Variants in MACROD2 observed in about 807,000 individuals in gnomAD.
MACROD2 encodes mono-ADP ribosylhydrolase 2, also known as ADP-ribose glycohydrolase MACROD2.
In MACROD2, 36 loss-of-function variants were observed where a neutral mutation model predicts 70.4. That is an observed-to-expected ratio of 0.51 (90% CI 0.39 to 0.68). MACROD2 has a LOEUF of 0.68. MACROD2 is among the 30% of genes least tolerant of loss of function. The pLI is 0.00. For missense variants in MACROD2, 496 were observed against 538.4 expected (o/e 0.92, Z 0.78); for synonymous variants, 172 against 178.8 (o/e 0.96, Z 0.30).
In MACROD2 at chr20:15,420,805, G is replaced by A. The variant is rs183422485; in HGVS notation, c.541-10600G>A. The stretch of plus-strand genomic sequence containing the variant: ...AAACATCTAGAGTGTTGGTTGTAAC[G>A]CTGGATATGGGAGTTCTTGCCTGGA... On this transcript the variant is annotated intron_variant, in intron 6 of 17. Coordinates refer to ENST00000684519, the MANE Select transcript of MACROD2 (RefSeq NM_001351661.2). Among the ~76,000 whole-genome samples the A allele has an allele frequency of 2.2e-3, 337 of 152,198 alleles. 1 individual carries two copies. Among genetic ancestry groups the A allele is most frequent in the African/African-American group, 7.7e-3 (321 of 41,520 alleles).
At chr20:15,084,074 T>TTTTGTTTTTTG (rs11466981) in intron 5 of MACROD2, among the ~76,000 whole-genome samples, 1 of 117,034 alleles carries the variant, frequency 8.5e-6, no homozygotes, top group Admixed American at 8.3e-5. Flanking sequence ...TTTTTTTTGT[T>TTTTGTTTTTTG]TTTTTTTTTT....
chr20:15,617,390 A>G (rs1600672751), intron 8 of MACROD2, among the ~76,000 whole-genome samples: 1 of 152,196 alleles, frequency 6.6e-6, no homozygotes, highest in Non-Finnish European at 1.5e-5. Flanking sequence ...AATTTTTAAA[A>G]ATTGTGTCAG....
At chr20:15,378,328 A>C (rs139573208) in intron 6 of MACROD2, among the ~76,000 whole-genome samples, 1 of 150,904 alleles carries the variant, frequency 6.6e-6, no homozygotes, top group African/African-American at 2.4e-5. Context: ...GATGGGTGGT[A>C]GAGAGACCCA....
intron 3 of MACROD2, chr20:14,328,968 A>G (rs2082785217): frequency 2.0e-5 from 3 of 151,940 alleles, no homozygotes; most frequent in South Asian, 4.1e-4. Context: ...CTTCTGTGCA[A>G]TGTGGTCAGA....
chr20:15,634,121 G>A (rs1017278002), intron 8 of MACROD2, among the ~76,000 whole-genome samples: 1 of 152,182 alleles, frequency 6.6e-6, no homozygotes, highest in Non-Finnish European at 1.5e-5. Context: ...CAAACGATGA[G>A]CATACAGGTA....
intron 9 of MACROD2, among the ~76,000 whole-genome samples, chr20:15,880,580 G>A (rs528432496): frequency 1.3e-5 from 2 of 152,106 alleles, no homozygotes; most frequent in African/African-American, 4.8e-5. Flanking sequence ...AATCCCAGTA[G>A]GAGTGAGGAG....
intron 2 of MACROD2, among the ~76,000 whole-genome samples, chr20:14,077,955 T>G (rs1481708166): frequency 1.3e-5 from 2 of 150,788 alleles, no homozygotes; most frequent in African/African-American, 2.4e-5. Context: ...CAGGCTAGAG[T>G]GCAATGGTGC....
intron 3 of MACROD2, among the ~76,000 whole-genome samples, chr20:14,460,636 G>A (rs2084357803): frequency 6.6e-6 from 1 of 152,100 alleles, no homozygotes; most frequent in Admixed American, 6.5e-5. Context: ...ATGAAGGGGT[G>A]TTGAATTTTA....
At chr20:15,842,377 CAG>C (rs2064180595) in intron 8 of MACROD2, among the ~76,000 whole-genome samples, 2 of 151,892 alleles carry the variant, frequency 1.3e-5, no homozygotes, top group Non-Finnish European at 2.9e-5. Flanking sequence ...GATGAGAAAA[CAG>C]AGGTTCTTAG....
At chr20:14,314,355 A>G (rs933599809) in intron 3 of MACROD2, among the ~76,000 whole-genome samples, 6 of 152,226 alleles carry the variant, frequency 3.9e-5, no homozygotes, top group African/African-American at 9.6e-5. Context: ...TAGAAATGCA[A>G]ACAAAGTCTG....
rs1484003005 is a variant in MACROD2, at chr20:14,577,808, A to AGAAGAGAAGAGAAGG, written c.301+84314_301+84315insGGAAGAGAAGAGAAG. 2.7e-5 allele frequency among the ~76,000 whole-genome samples: 4 copies of AGAAGAGAAGAGAAGG among 147,328 alleles called. No homozygotes were observed. In the South Asian group the frequency reaches 8.4e-4, roughly 31 times the overall value. On this transcript the variant is annotated intron_variant, in intron 4 of 17. Transcript: ENST00000684519. The stretch of plus-strand genomic sequence containing the variant: ...AAAAGAAAAGGAAAGAGAAGAGAAG[A>AGAAGAGAAGAGAAGG]GAAGAGAAGAGAAGAGAAGAGAAGA...
At chr20:15,223,673 C>G (rs2076880709) in intron 5 of MACROD2, among the ~76,000 whole-genome samples, 1 of 152,186 alleles carries the variant, frequency 6.6e-6, no homozygotes, top group African/African-American at 2.4e-5. Context: ...AGCCTTTTCT[C>G]TGATTTCTTA....
rs1463879662 is a variant in MACROD2, at chr20:15,021,240, C to G, written c.419-208700C>G. 9.7e-4 allele frequency among the ~76,000 whole-genome samples: 61 copies of G among 62,724 alleles called. 4 individuals are homozygous for G. The highest frequency in any genetic ancestry group is 2.8e-3 in the African/African-American group (40 of 14,088). 41.1% of individuals were successfully genotyped at this position (62,724 alleles called of 152,430 possible). ...CATACAGGTGTGCGTATACACACAC[C>G]TGTGTGTATGTATACACACACCTGT... On this transcript the variant is annotated intron_variant, in intron 5 of 17. Coordinates refer to ENST00000684519, the MANE Select transcript of MACROD2 (RefSeq NM_001351661.2).
intron 8 of MACROD2, among the ~76,000 whole-genome samples, chr20:15,549,138 G>T (rs2048063300): frequency 6.6e-6 from 1 of 152,180 alleles, no homozygotes; most frequent in Non-Finnish European, 1.5e-5. Flanking sequence ...GGGTTAATTT[G>T]TTATGCAGCA....
chr20:16,027,397 G>A (rs2067095793), intron 15 of MACROD2, among the ~76,000 whole-genome samples: 1 of 152,156 alleles, frequency 6.6e-6, no homozygotes, highest in South Asian at 2.1e-4. Context: ...CCTACAAACA[G>A]GACAAGATAT....
intron 3 of MACROD2, among the ~76,000 whole-genome samples, chr20:14,303,943 C>G (rs2082497887): frequency 6.6e-6 from 1 of 151,748 alleles, no homozygotes; most frequent in Non-Finnish European, 1.5e-5. Flanking sequence ...CATTAGTGCC[C>G]CCTTGAAATA....
chr20:15,174,850 T>C (rs2145893312), intron 5 of MACROD2, among the ~76,000 whole-genome samples: 1 of 152,116 alleles, frequency 6.6e-6, no homozygotes, highest in Admixed American at 6.5e-5. Flanking sequence ...TTTGATGGGG[T>C]TGTTTGTTTT....
intron 7 of MACROD2, among the ~76,000 whole-genome samples, chr20:15,466,437 G>T (rs537661634): frequency 6.6e-6 from 1 of 152,150 alleles, no homozygotes; most frequent in Non-Finnish European, 1.5e-5. Context: ...AACACAAGAT[G>T]GTGTGATTCA....
intron 8 of MACROD2, among the ~76,000 whole-genome samples, chr20:15,697,477 T>C (rs183329421): frequency 2.7e-3 from 409 of 152,312 alleles, no homozygotes; most frequent in Non-Finnish European, 4.6e-3. Flanking sequence ...TCCTATCTAA[T>C]GGTCTATCTT....
Sources: gnomAD v4.1 joint callset for allele counts (sites outside exome capture counted in the v4.1 genomes callset) on GRCh38, gnomAD v4.1.1 for gene constraint, MANE v1.5 for transcripts, NCBI Gene and HGNC (gene_info 2026-07-23, HGNC 2026-07-21) for gene names.